MAP3K20: variants seen among roughly 807,000 people sequenced by gnomAD.
The protein encoded by MAP3K20 is HCCS-4.
Under a neutral mutation model 85.7 loss-of-function variants are expected in MAP3K20, and 40 were observed. The observed-to-expected ratio is 0.47, with a 90% CI of 0.36 to 0.61. MAP3K20 has a LOEUF of 0.61. Ranked by LOEUF, MAP3K20 falls within the 20% of genes least tolerant of loss-of-function variation. The probability of loss-of-function intolerance (pLI) is 0.00; values close to 1 mark genes in which losing one functional copy is unlikely to be tolerated. For synonymous variants in MAP3K20, 325 were observed against 327.7 expected (o/e 0.99, Z 0.09); for missense variants, 817 against 961.7 (o/e 0.85, Z 1.99).
chr2:173,258,410 C>A (rs1451754987), intron 16 of MAP3K20, among the ~76,000 whole-genome samples: 2 of 151,938 alleles, frequency 1.3e-5, no homozygotes, highest in Non-Finnish European at 2.9e-5. Flanking sequence ...AGGAAACTGC[C>A]TGGTTTTACT....
At chr2:173,144,932 ATAT>A (rs1467223998) in intron 2 of MAP3K20, among the ~76,000 whole-genome samples, 1 of 152,362 alleles carries the variant, frequency 6.6e-6, no homozygotes, top group East Asian at 1.9e-4. Context: ...AGACCCAGAC[ATAT>A]TATAATCCAT....
chr2:173,161,104 G>A (rs139947559), intron 2 of MAP3K20, among the ~76,000 whole-genome samples: 7 of 152,238 alleles, frequency 4.6e-5, no homozygotes, highest in Admixed American at 1.3e-4. Context: ...TTAAGTACAC[G>A]GCAAAGAAAA....
chr2:173,257,106 G>A (rs1167215582), intron 16 of MAP3K20, among the ~76,000 whole-genome samples: 1 of 152,190 alleles, frequency 6.6e-6, no homozygotes, highest in Non-Finnish European at 1.5e-5. Context: ...CAAGACTGCA[G>A]TGAGCAGAGA....
intron 7 of MAP3K20, among the ~76,000 whole-genome samples, chr2:173,195,181 C>T (rs1690787103): frequency 7.4e-6 from 1 of 135,554 alleles, no homozygotes; most frequent in African/African-American, 2.6e-5. Flanking sequence ...AAGGCCTAGC[C>T]TCTCTTTAAA....
At chr2:173,145,806 A>C (rs569694487) in intron 2 of MAP3K20, among the ~76,000 whole-genome samples, 4 of 152,300 alleles carry the variant, frequency 2.6e-5, no homozygotes, top group African/African-American at 9.6e-5. Context: ...GACTAGTATA[A>C]GAATATTTGT....
intron 11 of MAP3K20, chr2:173,226,479 A>G: frequency 1.0e-6 from 1 of 985,726 alleles, no homozygotes; most frequent in Non-Finnish European, 1.2e-6. Flanking sequence ...TTAAGTGTTA[A>G]GCATCGCCAG....
chr2:173,195,292 G>A (rs1436374333), intron 7 of MAP3K20, among the ~76,000 whole-genome samples: 1 of 151,466 alleles, frequency 6.6e-6, no homozygotes, highest in Non-Finnish European at 1.5e-5. Context: ...AGTGGCTTAA[G>A]AGACAGCATG....
At chr2:173,117,777 T>G (rs1390648957) in intron 2 of MAP3K20, among the ~76,000 whole-genome samples, 2 of 152,204 alleles carry the variant, frequency 1.3e-5, no homozygotes, top group Admixed American at 1.3e-4. Flanking sequence ...GTTAATCACT[T>G]CTGGCACTTA....
At chr2:173,240,611 C>A (rs1221129354) in intron 16 of MAP3K20, among the ~76,000 whole-genome samples, 1 of 152,138 alleles carries the variant, frequency 6.6e-6, no homozygotes. Context: ...CAGGGAAATG[C>A]AAATCAAAAC....
chr2:173,220,000 A>G (rs949014062), intron 11 of MAP3K20, among the ~76,000 whole-genome samples: 8 of 148,784 alleles, frequency 5.4e-5, no homozygotes, highest in Admixed American at 1.4e-4. Flanking sequence ...CCTGGAAGGC[A>G]GAGGTTGCAG....
At chr2:173,121,667 G>A (rs1418231734) in intron 2 of MAP3K20, among the ~76,000 whole-genome samples, 2 of 152,118 alleles carry the variant, frequency 1.3e-5, no homozygotes, top group South Asian at 4.1e-4. Context: ...GATTACAGTC[G>A]TGAGCCACCG....
intron 16 of MAP3K20, among the ~76,000 whole-genome samples, chr2:173,251,984 T>G (rs950935300): frequency 2.0e-5 from 3 of 151,254 alleles, no homozygotes; most frequent in East Asian, 1.9e-4. Flanking sequence ...TAGGGAAAAA[T>G]AGAGAGAGAG....
chr2:173,130,952 C>G (rs1688603354), intron 2 of MAP3K20, among the ~76,000 whole-genome samples: 1 of 152,200 alleles, frequency 6.6e-6, no homozygotes, highest in South Asian at 2.1e-4. Context: ...TAAGATGCTT[C>G]TAAGAACAGA....
chr2:173,193,385 GACCTTAAGAC>G (rs1469582574), intron 7 of MAP3K20, among the ~76,000 whole-genome samples: 3 of 151,994 alleles, frequency 2.0e-5, no homozygotes, highest in Non-Finnish European at 4.4e-5. Context: ...AAAAATTTTT[GACCTTAAGAC>G]ACAACTATAC....
intron 2 of MAP3K20, among the ~76,000 whole-genome samples, chr2:173,153,103 G>GA (rs1689354727): frequency 6.6e-6 from 1 of 152,192 alleles, no homozygotes; most frequent in Non-Finnish European, 1.5e-5. Flanking sequence ...TTATGAATGT[G>GA]AATTCAGAGC....
At position 173,129,134 on chromosome 2, in the gene MAP3K20, G is replaced by C. The variant is rs367882116; in HGVS notation, c.159+37944G>C. On this transcript the variant is annotated intron_variant, in intron 2 of 19. Transcript: ENST00000375213. ...AGTAGAGACAAGGTTTCACCATGTT[G>C]GCCAGGATGGTCTCAATCTCGTGAC... 3.5e-3 allele frequency among the ~76,000 whole-genome samples: 537 copies of C among 151,852 alleles called. 3 individuals are homozygous for C. The highest frequency in any genetic ancestry group is 0.012 in the African/African-American group (487 of 41,370).
At chr2:173,200,673 G>A (rs1404557509) in intron 8 of MAP3K20, among the ~76,000 whole-genome samples, 1 of 152,114 alleles carries the variant, frequency 6.6e-6, no homozygotes, top group African/African-American at 2.4e-5. Flanking sequence ...GTGCATACCT[G>A]TAGTCCCATC....
chr2:173,146,691 C>T (rs746824552), intron 2 of MAP3K20, among the ~76,000 whole-genome samples: 3 of 152,086 alleles, frequency 2.0e-5, no homozygotes, highest in Non-Finnish European at 2.9e-5. Context: ...TTTTTGTGGA[C>T]GTGTATTCTC....
chr2:173,227,228 C>A, intron 11 of MAP3K20: 1 of 764,116 alleles, frequency 1.3e-6, no homozygotes, highest in Non-Finnish European at 1.6e-6. Flanking sequence ...CGTTGTCACA[C>A]GCATGCAAAC....
Sources: gnomAD v4.1 joint callset for allele counts (sites outside exome capture counted in the v4.1 genomes callset) on GRCh38, gnomAD v4.1.1 for gene constraint, MANE v1.5 for transcripts, NCBI Gene and HGNC (gene_info 2026-07-23, HGNC 2026-07-21) for gene names.